The following RSL24D1 variants were observed in gnomAD, a reference collection of about 807,000 sequenced individuals.
RSL24D1 encodes the protein ribosomal L24 domain containing 1.
In RSL24D1, 6 loss-of-function variants were observed where a neutral mutation model predicts 26.2. That is an observed-to-expected ratio of 0.23 (90% confidence interval 0.13 to 0.45). The LOEUF is 0.45. RSL24D1 is among the 20% of genes least tolerant of loss of function. The probability of loss-of-function intolerance (pLI) is 0.99; values close to 1 mark genes in which losing one functional copy is unlikely to be tolerated. For missense variants in RSL24D1, 176 were observed against 202.6 expected (o/e 0.87, Z 0.80); for synonymous variants, 61 against 59.1 (o/e 1.03, Z -0.15).
At chr15:55,194,959 G>C (rs752979058) in intron 1 of RSL24D1, among the ~76,000 whole-genome samples, 1 of 148,298 alleles carries the variant, frequency 6.7e-6, no homozygotes, top group Non-Finnish European at 1.5e-5. Context: ...GGAGACTGAG[G>C]CTGCAGAGAG....
At position 55,182,070 on chromosome 15, in the gene RSL24D1, G is replaced by A; in HGVS notation, c.*82C>T. The A allele has an allele frequency of 4.9e-6, 4 of 822,844 alleles. No homozygotes were observed. Among genetic ancestry groups the A allele is most frequent in the East Asian group, 2.5e-5 (1 of 40,216 alleles). The allele number at this position is 822,844 out of a possible 1,614,324, so 51.0% of individuals were successfully genotyped here. ...TCGCTTTTCATTTAAGTGACCTTAT[G>A]TAAAAAATAAAATAATTTAGCAGTT... is the stretch of plus-strand genomic sequence containing the variant. On this transcript the variant is annotated 3_prime_UTR_variant, in exon 6 of 6. Transcript: ENST00000260443.
At chr15:55,186,728 T>A (rs1016751185) in intron 3 of RSL24D1, among the ~76,000 whole-genome samples, 2 of 152,152 alleles carry the variant, frequency 1.3e-5, no homozygotes, top group African/African-American at 4.8e-5. Context: ...GAAATATGAA[T>A]AGGACTAAGA....
intron 3 of RSL24D1, among the ~76,000 whole-genome samples, chr15:55,188,328 A>G (rs1419990668): frequency 1.3e-5 from 2 of 152,234 alleles, no homozygotes; most frequent in Non-Finnish European, 2.9e-5. Flanking sequence ...CTCATACTGT[A>G]CACTTAGCAG....
chr15:55,183,073 G>C (rs188824034), intron 5 of RSL24D1, among the ~76,000 whole-genome samples: 1 of 152,056 alleles, frequency 6.6e-6, no homozygotes, highest in Admixed American at 6.6e-5. Flanking sequence ...AAATTATTAC[G>C]CAAATCATTT....
chr15:55,190,249 C>CAAAAAAAAAAAA (rs57254193), intron 3 of RSL24D1, among the ~76,000 whole-genome samples: 1 of 34,470 alleles, frequency 2.9e-5, no homozygotes, highest in African/African-American at 1.1e-4. Context: ...CTTTCCAACT[C>CAAAAAAAAAAAA]AAAAAAAAAA....
At position 55,185,420 on chromosome 15, in the gene RSL24D1, C is replaced by T. The variant is rs1894214256; in HGVS notation, c.274G>A (p.Ala92Thr). 1.9e-6 allele frequency: 3 copies of T among 1,604,998 alleles called. No individual in the cohort carries two copies. Among genetic ancestry groups the T allele is most frequent in the South Asian group, 2.2e-5 (2 of 89,088 alleles). ...TTGATTTCTTCAACTCTCTTCATCG[C>T]ATCAACTACAAAAAAATTCATGAGT... ...QRELWNKTID[A>T]MKRVEEIKQK... The change falls in exon 4 of 6, where the codon GCG becomes ACG. Residue 92 changes from alanine (A) to threonine (T), a missense_variant. Ala to Thr is a moderately conservative substitution (Grantham distance 58). This residue lies in a region of RSL24D1 where 89 missense variants were observed against 135.1 expected (regional missense o/e 0.66). Coordinates refer to ENST00000260443, the MANE Select transcript of RSL24D1 (RefSeq NM_016304.3).
intron 3 of RSL24D1, among the ~76,000 whole-genome samples, chr15:55,190,171 CT>C (rs1467010417): frequency 1.4e-5 from 2 of 146,394 alleles, no homozygotes; most frequent in African/African-American, 2.5e-5. Context: ...TTGCTTGAAC[CT>C]GGGAGGCAGT....
At chr15:55,192,907 CA>C in intron 1 of RSL24D1, 74 bp from the exon 2 acceptor site, 1 of 891,302 alleles carries the variant, frequency 1.1e-6, no homozygotes, top group South Asian at 1.5e-5. Flanking sequence ...CCCTGCTAGA[CA>C]AAAAATACTT....
chr15:55,186,014 A>C (rs1432244571), intron 3 of RSL24D1, among the ~76,000 whole-genome samples: 1 of 152,164 alleles, frequency 6.6e-6, no homozygotes, highest in Non-Finnish European at 1.5e-5. Flanking sequence ...GAAATTTTAA[A>C]TTTTCTAGTA....
In RSL24D1 at chr15:55,181,414, A is replaced by T. The variant is rs563690313; in HGVS notation, c.*738T>A. 2.0e-5 allele frequency: 3 copies of T among 152,802 alleles called. No individual in the cohort carries two copies. The highest frequency in any genetic ancestry group is 7.2e-5 in the African/African-American group (3 of 41,596). The allele number at this position is 152,802 out of a possible 1,614,324, so 9.5% of individuals were successfully genotyped here. The stretch of plus-strand genomic sequence containing the variant: ...CAGGAGCTTTTTAAAAGAAAACCAC[A>T]TAACAACTTTTAAAAGGCGCTGGGA... On this transcript the variant is annotated 3_prime_UTR_variant, in exon 6 of 6. Transcript: ENST00000260443.
chr15:55,196,402 C>A (rs561636626), intron 1 of RSL24D1: 24 of 467,460 alleles, frequency 5.1e-5, no homozygotes, highest in East Asian at 4.0e-4. Flanking sequence ...CGGAACACTT[C>A]CATCAACCTC....
chr15:55,185,349 C>A lies in RSL24D1; in HGVS notation c.332+13G>T, dbSNP rs769512756. 25 of 1,579,812 alleles carry A rather than the reference C, an allele frequency of 1.6e-5. No individual in the cohort carries two copies. The highest frequency in any genetic ancestry group is 4.1e-5 in the African/African-American group (3 of 73,004). ...ATTATTTTCCAAAAGTTACTCCATA[C>A]AAATATTCATACCTGTTCATTATAA... On this transcript the variant is annotated intron_variant, in intron 4 of 5. Coordinates refer to ENST00000260443, the MANE Select transcript of RSL24D1 (RefSeq NM_016304.3).
At chr15:55,191,189 G>T in intron 2 of RSL24D1, 142 bp from the exon 3 acceptor site, 1 of 598,338 alleles carries the variant, frequency 1.7e-6, no homozygotes, top group Non-Finnish European at 2.8e-6. Context: ...AGAGAATATA[G>T]GTTTTCAAAT....
chr15:55,183,433 G>C (rs1010313915), intron 4 of RSL24D1, 33 bp from the exon 5 acceptor site: 40 of 1,509,910 alleles, frequency 2.6e-5, no homozygotes, highest in Non-Finnish European at 3.5e-5. Flanking sequence ...CAAAATTTCA[G>C]TTACTAACAC....
intron 1 of RSL24D1, chr15:55,196,230 C>T (rs909166841): frequency 1.2e-5 from 5 of 425,872 alleles, no homozygotes; most frequent in Non-Finnish European, 2.4e-5. Context: ...TCTGCCTTTT[C>T]TCAAAATGTT....
intron 1 of RSL24D1, 33 bp from the exon 2 acceptor site, chr15:55,192,866 C>T (rs1157043171): frequency 6.8e-7 from 1 of 1,462,156 alleles, no homozygotes; most frequent in Admixed American, 1.7e-5. Flanking sequence ...GAGAAGTCAA[C>T]ATTAAAAACT....
At chr15:55,190,856 A>G in intron 3 of RSL24D1, 119 bp downstream of exon 3, 1 of 700,994 alleles carries the variant, frequency 1.4e-6, no homozygotes, top group South Asian at 1.7e-5. Flanking sequence ...TAAAATAATA[A>G]AAGCCAAGGA....
intron 1 of RSL24D1, among the ~76,000 whole-genome samples, chr15:55,194,705 T>G (rs1028894187): frequency 1.3e-5 from 2 of 150,460 alleles, no homozygotes; most frequent in Non-Finnish European, 3.0e-5. Context: ...CTAAGAAGAG[T>G]AAAAGGTGAA....
intron 3 of RSL24D1, 54 bp downstream of exon 3, chr15:55,190,921 T>C: frequency 8.7e-7 from 1 of 1,144,528 alleles, no homozygotes; most frequent in Non-Finnish European, 1.3e-6. Flanking sequence ...AAAGTTATAG[T>C]ATTATCCCAA....
Sources: gnomAD v4.1 joint callset for allele counts (sites outside exome capture counted in the v4.1 genomes callset) on GRCh38, gnomAD v4.1.1 for gene constraint, gnomAD v4.1.1 regional missense constraint, MANE v1.5 for transcripts, NCBI Gene and HGNC (gene_info 2026-07-23, HGNC 2026-07-21) for gene names.